Variants in PRKCE observed in about 807,000 individuals in gnomAD.
PRKCE encodes protein kinase C epsilon type.
A neutral mutation model predicts 85.4 loss-of-function variants in PRKCE; 16 were observed. That is an observed-to-expected ratio of 0.19 (90% confidence interval 0.13 to 0.28). The LOEUF is 0.28. PRKCE is among the 10% of genes least tolerant of loss of function. The pLI is 1.00. For missense variants in PRKCE, 573 were observed against 975.2 expected (o/e 0.59, Z 5.49); for synonymous variants, 388 against 371.5 (o/e 1.04, Z -0.51).
chr2:46,097,545 A>T, intron 11 of PRKCE, among the ~76,000 whole-genome samples: 1 of 149,962 alleles, frequency 6.7e-6, no homozygotes, highest in East Asian at 1.9e-4. Context: ...AAAGCTGTGA[A>T]GTCTGACTTT....
At chr2:45,841,208 G>C (rs1164981062) in intron 1 of PRKCE, among the ~76,000 whole-genome samples, 1 of 152,200 alleles carries the variant, frequency 6.6e-6, no homozygotes, top group Non-Finnish European at 1.5e-5. Context: ...TATATATGAA[G>C]GGGAGTTTAT....
rs904887914 is a variant in PRKCE, at chr2:46,001,100, C to A, written c.824-304C>A. On this transcript the variant is annotated intron_variant, in intron 6 of 14. Transcript: ENST00000306156. The surrounding 1 kb of genome is among the most constrained non-coding windows in gnomAD (Gnocchi z 4.4). ...TTCAGACTGGAGATCTGAAAGATTC[C>A]CAGTCCCTGGAGGGAAATATAAATG... 1.3e-5 allele frequency: 2 copies of A among 152,840 alleles called. No homozygotes were observed. The highest frequency in any genetic ancestry group is 6.5e-5 in the Admixed American group (1 of 15,290). The allele number at this position is 152,840 out of a possible 1,614,324, so 9.5% of individuals were successfully genotyped here. A position where few individuals can be genotyped will look rare whatever the true frequency, so the allele number is the denominator to read the frequency against.
At chr2:45,896,043 T>G (rs547393587) in intron 2 of PRKCE, among the ~76,000 whole-genome samples, 1 of 152,252 alleles carries the variant, frequency 6.6e-6, no homozygotes, top group South Asian at 2.1e-4. Flanking sequence ...CACAAATGAG[T>G]GTTGCTAACC....
Position 45,980,374 on chromosome 2 carries a change from C to T in PRKCE, c.686C>T (p.Pro229Leu). 1 of 1,599,696 alleles carries T rather than the reference C, an allele frequency of 6.3e-7. No individual in the cohort carries two copies. Among genetic ancestry groups the T allele is most frequent in the Non-Finnish European group, 8.5e-7 (1 of 1,179,930 alleles). ...GCTGGGTTAAAGAAGCAGGAGACCC[C>T]CGACCAGGTAAGTGTTGGTGACACG... ...KCAGLKKQETPDQVGSQRFSV... is the reference protein window; with the variant it reads ...KCAGLKKQETLDQVGSQRFSV... Residue 229 changes from proline to leucine, a missense_variant, in exon 5 of 15, where the codon CCC (proline) becomes CTC (leucine). Pro to Leu is a moderately conservative substitution (Grantham distance 98, BLOSUM62 -3). Transcript: ENST00000306156.
At chr2:46,058,258 T>A (rs1666782107) in intron 10 of PRKCE, among the ~76,000 whole-genome samples, 1 of 152,148 alleles carries the variant, frequency 6.6e-6, no homozygotes, top group African/African-American at 2.4e-5. Context: ...GACACAAACA[T>A]CCAGGGCTTG....
At chr2:45,709,248 G>A (rs114968151) in intron 1 of PRKCE, among the ~76,000 whole-genome samples, 2,076 of 152,328 alleles carry the variant, frequency 0.014, 52 homozygotes, top group African/African-American at 0.048. Context: ...CCAGCATACC[G>A]GGCAGACCCA....
chr2:46,123,928 G>A (rs1366675532), intron 11 of PRKCE, among the ~76,000 whole-genome samples: 1 of 152,244 alleles, frequency 6.6e-6, no homozygotes, highest in East Asian at 1.9e-4. Context: ...ATTGACAGGG[G>A]TGCTAACTCA....
At chr2:45,980,124 G>C (rs2711289) in intron 4 of PRKCE, among the ~76,000 whole-genome samples, 172 bp from the exon 5 acceptor site, 60 of 152,264 alleles carry the variant, frequency 3.9e-4, no homozygotes, top group Non-Finnish European at 7.6e-4. Flanking sequence ...GCTCTGATAG[G>C]ACAGTGTTTT....
intron 10 of PRKCE, among the ~76,000 whole-genome samples, chr2:46,085,394 A>G (rs1333455088): frequency 6.6e-6 from 1 of 152,208 alleles, no homozygotes; most frequent in East Asian, 1.9e-4. Context: ...AATTACTGCA[A>G]ACTTGGTGCC....
intron 1 of PRKCE, among the ~76,000 whole-genome samples, chr2:45,717,387 C>A (rs6745377): frequency 2.0e-5 from 3 of 152,188 alleles, no homozygotes; most frequent in Non-Finnish European, 4.4e-5. Flanking sequence ...TATCTCCCTA[C>A]CCATCACCTA....
At chr2:45,950,495 G>C (rs1268445836) in intron 2 of PRKCE, among the ~76,000 whole-genome samples, 1 of 152,104 alleles carries the variant, frequency 6.6e-6, no homozygotes, top group Non-Finnish European at 1.5e-5. Flanking sequence ...TTTGAGGATG[G>C]CAGATAAAGA....
intron 6 of PRKCE, among the ~76,000 whole-genome samples, chr2:45,999,455 C>T (rs1285677327): frequency 3.9e-5 from 6 of 151,982 alleles, no homozygotes; most frequent in Admixed American, 1.3e-4. Context: ...CTTATTTTTC[C>T]TCCTTTATAG....
intron 2 of PRKCE, among the ~76,000 whole-genome samples, chr2:45,852,183 G>A (rs961553917): frequency 1.3e-5 from 2 of 152,208 alleles, no homozygotes; most frequent in Non-Finnish European, 2.9e-5. Flanking sequence ...GTCAGCTGCC[G>A]ATGGTCATAC....
At chr2:45,742,271 C>T (rs187966566) in intron 1 of PRKCE, among the ~76,000 whole-genome samples, 92 of 152,012 alleles carry the variant, frequency 6.1e-4, no homozygotes, top group African/African-American at 2.1e-3. Context: ...AAAAACACCA[C>T]ACAACTGGAT....
intron 11 of PRKCE, among the ~76,000 whole-genome samples, chr2:46,091,363 T>C (rs1454909839): frequency 6.6e-6 from 1 of 152,232 alleles, no homozygotes; most frequent in Non-Finnish European, 1.5e-5. Flanking sequence ...TTATGCATGT[T>C]AGTCTCCGAG....
chr2:46,085,269 T>C (rs1261191475), intron 10 of PRKCE, among the ~76,000 whole-genome samples: 1 of 152,106 alleles, frequency 6.6e-6, no homozygotes, highest in Non-Finnish European at 1.5e-5. Flanking sequence ...GAGGAAACCA[T>C]AGGGGATCCT....
At position 46,179,606 on chromosome 2, in the gene PRKCE, C is replaced by T. The variant is rs76379744; in HGVS notation, c.2068-5129C>T. Among the ~76,000 whole-genome samples the T allele has an allele frequency of 5.3e-4, 80 of 152,332 alleles. 1 individual carries two copies. In the East Asian group the frequency reaches 0.015, roughly 28 times the overall value. On this transcript the variant is annotated intron_variant, in intron 14 of 14. Transcript: ENST00000306156. ...TTCCTCTAACATCAGCCACAGGGGT[C>T]AGACATACCCACAAAGTCCCTAAAC... is the stretch of plus-strand genomic sequence containing the variant.
intron 1 of PRKCE, among the ~76,000 whole-genome samples, chr2:45,775,451 T>G (rs77080540): frequency 0.024 from 3,705 of 152,306 alleles, 125 homozygotes; most frequent in African/African-American, 0.085. Flanking sequence ...TGCCTTTGAA[T>G]TTCTGGGGCC....
intron 1 of PRKCE, among the ~76,000 whole-genome samples, chr2:45,759,454 G>A (rs941139313): frequency 1.3e-5 from 2 of 152,192 alleles, no homozygotes; most frequent in Admixed American, 1.3e-4. Flanking sequence ...GGACGCTACT[G>A]CTGTGAGGCT....
Sources: gnomAD v4.1 joint callset for allele counts (sites outside exome capture counted in the v4.1 genomes callset) on GRCh38, gnomAD v4.1.1 for gene constraint, Gnocchi (gnomAD v3.1) non-coding constraint, MANE v1.5 for transcripts, NCBI Gene and HGNC (gene_info 2026-07-23, HGNC 2026-07-21) for gene names.